Variants in MID2 observed in about 807,000 individuals in gnomAD.
MID2 encodes probable E3 ubiquitin-protein ligase MID2.
MID2 carries 13 observed loss-of-function variants against 46.1 expected under a neutral mutation model. That is an observed-to-expected ratio of 0.28 (90% CI 0.18 to 0.45). The LOEUF is 0.45. MID2 is among the 20% of genes least tolerant of loss of function. The pLI, the probability that MID2 is intolerant of heterozygous loss-of-function variation, is 1.00. For missense variants in MID2, 431 were observed against 575.4 expected (o/e 0.75, Z 2.57); for synonymous variants, 199 against 212.3 (o/e 0.94, Z 0.55).
At chrX:107,859,775 G>A (rs193126471) in intron 3 of MID2, among the ~76,000 whole-genome samples, 1 of 112,264 alleles carries the variant, frequency 8.9e-6, no homozygotes, top group Non-Finnish European at 1.9e-5. Context: ...ATAAGGGAGT[G>A]AAGGGGACCA....
chrX:107,848,869 G>T (rs1288009092), intron 2 of MID2, among the ~76,000 whole-genome samples: 1 of 112,206 alleles, frequency 8.9e-6, no homozygotes, highest in African/African-American at 3.2e-5. Flanking sequence ...GACCCTAAAA[G>T]CATGTGAAGA....
intron 3 of MID2, among the ~76,000 whole-genome samples, chrX:107,887,375 A>G (rs1391723872): frequency 8.9e-6 from 1 of 112,085 alleles, no homozygotes; most frequent in East Asian, 2.8e-4. Context: ...GCATCTATTG[A>G]GATAATCATC....
intron 7 of MID2, among the ~76,000 whole-genome samples, chrX:107,921,137 G>T (rs1461461691): frequency 9.0e-6 from 1 of 111,593 alleles, no homozygotes; most frequent in Non-Finnish European, 1.9e-5. Flanking sequence ...TATCTCTTTT[G>T]CCATATCTCT....
chrX:107,829,597 C>A (rs970724420), intron 1 of MID2, among the ~76,000 whole-genome samples: 3 of 112,077 alleles, frequency 2.7e-5, no homozygotes, highest in Non-Finnish European at 5.6e-5. Context: ...ATATTAAGCA[C>A]CTATAATGTG....
chrX:107,845,390 C>A (rs958410499), intron 2 of MID2, among the ~76,000 whole-genome samples: 2 of 110,749 alleles, frequency 1.8e-5, no homozygotes, highest in Admixed American at 9.6e-5. Flanking sequence ...TCCACAAATT[C>A]ATTACTACAA....
chrX:107,928,597 T>TC lies in MID2; in HGVS notation c.*1528dup, dbSNP rs1366110661. 9.0e-6 allele frequency among the ~76,000 whole-genome samples: 1 copy of TC among 111,490 alleles called. No individual in the cohort carries two copies. The highest frequency in any genetic ancestry group is 1.9e-5 in the Non-Finnish European group (1 of 53,014). ...AAATGTCAAAACTCCCCTCTTCCTT[T>TC]CCCCTAGTTTGGTGGATGCTCATTT... On this transcript the variant is annotated 3_prime_UTR_variant, in exon 10 of 10. Transcript: ENST00000262843.
chrX:107,897,171 T>C (rs1191775206), intron 3 of MID2, among the ~76,000 whole-genome samples: 1 of 111,689 alleles, frequency 9.0e-6, no homozygotes, highest in East Asian at 2.8e-4. Flanking sequence ...CATGAGTCCC[T>C]GAGCCCAATT....
At chrX:107,852,824 CCT>C (rs1301417627) in intron 2 of MID2, among the ~76,000 whole-genome samples, 1 of 111,631 alleles carries the variant, frequency 9.0e-6, no homozygotes, top group Admixed American at 9.5e-5. Flanking sequence ...CTTCATGTTC[CCT>C]CTCTCCCCCA....
chrX:107,924,646 G>C, intron 8 of MID2, 142 bp downstream of exon 8: 3 of 627,137 alleles, frequency 4.8e-6, no homozygotes, highest in Non-Finnish European at 7.1e-6. Context: ...TTTGTACTTT[G>C]GGCAAGGAGT....
intron 5 of MID2, among the ~76,000 whole-genome samples, chrX:107,908,322 A>G (rs949687480): frequency 9.0e-6 from 1 of 111,673 alleles, no homozygotes; most frequent in Non-Finnish European, 1.9e-5. Context: ...AATTACATGT[A>G]TATTTGGCTG....
chrX:107,867,757 A>G (rs548013427), intron 3 of MID2, among the ~76,000 whole-genome samples: 1 of 111,867 alleles, frequency 8.9e-6, no homozygotes, highest in African/African-American at 3.2e-5. Flanking sequence ...AATAAGAAAG[A>G]GAAGTTAAGA....
In MID2 at chrX:107,842,419, A is replaced by T. The variant is rs192046835; in HGVS notation, c.720+1034A>T. 4.4e-4 allele frequency among the ~76,000 whole-genome samples: 49 copies of T among 112,242 alleles called. 1 individual carries two copies. The highest frequency in any genetic ancestry group is 4.1e-3 in the Admixed American group (43 of 10,588). ...AAATAAAATGTTTAAACGGATAGTA[A>T]AATTACCACTCCAAATAGAACCTGA... On this transcript the variant is annotated intron_variant, in intron 2 of 9. Coordinates refer to ENST00000262843, the MANE Select transcript of MID2 (RefSeq NM_012216.4).
At chrX:107,829,425 G>C (rs1053797021) in intron 1 of MID2, among the ~76,000 whole-genome samples, 5 of 112,427 alleles carry the variant, frequency 4.4e-5, no homozygotes, top group Non-Finnish European at 9.4e-5. Flanking sequence ...CATTTCTAAT[G>C]CACTCTAACC....
At chrX:107,888,374 T>C (rs1932513894) in intron 3 of MID2, among the ~76,000 whole-genome samples, 2 of 112,279 alleles carry the variant, frequency 1.8e-5, no homozygotes, top group Admixed American at 9.4e-5. Context: ...GCTTTCCTTT[T>C]GTTACGTACC....
At chrX:107,921,853 G>T (rs1173603164) in intron 7 of MID2, among the ~76,000 whole-genome samples, 1 of 110,494 alleles carries the variant, frequency 9.1e-6, no homozygotes, top group African/African-American at 3.3e-5. Context: ...TTACTTTCTG[G>T]CATAACAAAA....
chrX:107,888,522 G>A (rs1932517329), intron 3 of MID2, among the ~76,000 whole-genome samples: 1 of 111,870 alleles, frequency 8.9e-6, no homozygotes, highest in South Asian at 3.7e-4. Flanking sequence ...TTTTACATTT[G>A]CTGAGAAGTG....
intron 7 of MID2, among the ~76,000 whole-genome samples, chrX:107,922,901 G>T (rs767709841): frequency 7.2e-5 from 8 of 111,134 alleles, no homozygotes; most frequent in Non-Finnish European, 1.5e-4. Flanking sequence ...TTTCCTCTTT[G>T]TATTAAAATC....
At chrX:107,915,822 T>C (rs190487008) in intron 5 of MID2, among the ~76,000 whole-genome samples, 180 bp from the exon 6 acceptor site, 41 of 111,587 alleles carry the variant, frequency 3.7e-4, no homozygotes, top group Admixed American at 1.7e-3. Flanking sequence ...TAACTCTTAA[T>C]TGGTTCCTGA....
intron 4 of MID2, among the ~76,000 whole-genome samples, chrX:107,904,981 A>G (rs748506315): frequency 8.9e-6 from 1 of 112,127 alleles, no homozygotes; most frequent in Non-Finnish European, 1.9e-5. Flanking sequence ...ACACACAGGT[A>G]TGCATAAAGA....
Sources: gnomAD v4.1 joint callset for allele counts (sites outside exome capture counted in the v4.1 genomes callset) on GRCh38, gnomAD v4.1.1 for gene constraint, MANE v1.5 for transcripts, NCBI Gene and HGNC (gene_info 2026-07-23, HGNC 2026-07-21) for gene names.